GLB1: variants seen among roughly 807,000 people sequenced by gnomAD.
GLB1 encodes the protein galactosidase beta 1.
In GLB1, 56 loss-of-function variants were observed where a neutral mutation model predicts 74.0. The observed-to-expected ratio is 0.76, with a 90% CI of 0.61 to 0.94. The LOEUF (loss-of-function observed/expected upper bound fraction) is 0.94, where lower values mean the gene tolerates loss of function less well. Ranked by LOEUF, GLB1 falls within the 40% of genes least tolerant of loss-of-function variation. GLB1 has a pLI of 0.00. For missense variants in GLB1, 787 were observed against 845.5 expected, an observed-to-expected ratio of 0.93 and a Z score of 0.86; for synonymous variants, 323 against 323.6, an observed-to-expected ratio of 1.00 and a Z score of 0.02.
intron 2 of GLB1, among the ~76,000 whole-genome samples, chr3:33,069,200 G>A (rs1699805482): frequency 6.6e-6 from 1 of 152,052 alleles, no homozygotes; most frequent in Non-Finnish European, 1.5e-5. Context: ...CACCAGCCTG[G>A]AAAACATGGT....
downstream of GLB1, among the ~76,000 whole-genome samples, chr3:32,993,199 C>T (rs1339039693): frequency 6.6e-6 from 1 of 152,114 alleles, no homozygotes; most frequent in African/African-American, 2.4e-5. Context: ...AAAAACCCCA[C>T]CTCGGATTAG....
At chr3:32,964,654 G>C in the GLB1 span, among the ~76,000 whole-genome samples, 11,075 of 152,216 alleles carry the variant, frequency 0.073, 866 homozygotes, top group African/African-American at 0.2. Flanking sequence ...GTGTAAAGTT[G>C]AACATGTACC....
At position 33,031,611 on chromosome 3, in the gene GLB1, C is replaced by CAA. The variant is rs1255172812; in HGVS notation, c.1069-7288_1069-7287dup. Among the ~76,000 whole-genome samples, 46 of 22,058 alleles carry CAA rather than the reference C, an allele frequency of 2.1e-3. 5 individuals carry two copies. Among genetic ancestry groups the CAA allele is most frequent in the African/African-American group, 5.8e-3 (27 of 4,622 alleles). The allele number at this position is 22,058 out of a possible 152,430, so 14.5% of individuals were successfully genotyped here. A position where few individuals can be genotyped will look rare whatever the true frequency, so the allele number is the denominator to read the frequency against. On this transcript the variant is annotated intron_variant, in intron 10 of 15. Transcript: ENST00000307363. ...TGGGTGACAGAGCAAGGCTCTGTCT[C>CAA]AAAAAAAAAAAAAAAAAAAAAAAAA...
intron 1 of GLB1, among the ~76,000 whole-genome samples, chr3:33,079,181 T>C (rs1043242330): frequency 1.3e-5 from 2 of 151,762 alleles, no homozygotes; most frequent in South Asian, 2.1e-4. Flanking sequence ...TCTGGGAGAG[T>C]AGAGGTAGGT....
Position 33,016,680 on chromosome 3 carries a change from C to T in GLB1, c.1479+29G>A, listed in dbSNP as rs1697248596. On this transcript the variant is annotated intron_variant, in intron 14 of 15. Transcript: ENST00000307363. ...ACTTCTAAGTTGTCACCCCTTAAACCTTAGTCTTGACAGTGTGGTTTGTCC... is the reference window on the plus strand; with the variant it reads ...ACTTCTAAGTTGTCACCCCTTAAACTTTAGTCTTGACAGTGTGGTTTGTCC... The T allele has an allele frequency of 1.9e-6, 3 of 1,612,480 alleles. No homozygotes were observed. In the African/African-American group the frequency reaches 4.0e-5, roughly 22 times the overall value.
chr3:33,064,457 A>AT, intron 5 of GLB1, among the ~76,000 whole-genome samples: 2 of 139,848 alleles, frequency 1.4e-5, no homozygotes, highest in East Asian at 4.3e-4. Context: ...AAAAAACAAA[A>AT]AACCTTTACT....
the GLB1 span, among the ~76,000 whole-genome samples, chr3:32,965,740 G>A: frequency 6.6e-6 from 1 of 152,180 alleles, no homozygotes; most frequent in Admixed American, 6.5e-5. Flanking sequence ...AGGCCTAGGA[G>A]GGAAAAATGG....
chr3:32,988,921 G>C, the GLB1 span, among the ~76,000 whole-genome samples: 7 of 145,304 alleles, frequency 4.8e-5, no homozygotes, highest in African/African-American at 1.3e-4. Flanking sequence ...GAAGCCCTTG[G>C]CATGGTAAGG....
downstream of GLB1, among the ~76,000 whole-genome samples, chr3:32,991,865 T>C (rs1696228612): frequency 6.6e-6 from 1 of 152,226 alleles, no homozygotes. Flanking sequence ...TGCTGGGCTG[T>C]CCAAATTCCT....
the GLB1 span, among the ~76,000 whole-genome samples, chr3:32,963,440 C>A: frequency 2.6e-5 from 4 of 152,190 alleles, no homozygotes; most frequent in Non-Finnish European, 4.4e-5. Context: ...ATAAATTCAA[C>A]TATGTGAATT....
chr3:33,006,462 C>T (rs752374021), intron 15 of GLB1, among the ~76,000 whole-genome samples: 7 of 152,180 alleles, frequency 4.6e-5, no homozygotes, highest in Non-Finnish European at 8.8e-5. Flanking sequence ...CAGTGTCTTC[C>T]ACGAAACTAG....
At chr3:33,048,513 A>G (rs1024600681) in intron 9 of GLB1, among the ~76,000 whole-genome samples, 1 of 152,168 alleles carries the variant, frequency 6.6e-6, no homozygotes, top group Admixed American at 6.5e-5. Context: ...GTGTGGAGGA[A>G]GGAGACACAC....
intron 15 of GLB1, among the ~76,000 whole-genome samples, chr3:32,999,214 G>A (rs1696443021): frequency 6.6e-6 from 1 of 152,112 alleles, no homozygotes; most frequent in Non-Finnish European, 1.5e-5. Context: ...TTTACCCTGG[G>A]ATATGTTATC....
At chr3:33,087,043 T>A (rs1700531049) in intron 1 of GLB1, among the ~76,000 whole-genome samples, 1 of 147,328 alleles carries the variant, frequency 6.8e-6, no homozygotes, top group South Asian at 2.2e-4. Flanking sequence ...TTAACTAGAT[T>A]TAAAAAAAAG....
At chr3:33,014,389 G>C in intron 14 of GLB1, 79 bp from the exon 15 acceptor site, 1 of 1,573,612 alleles carries the variant, frequency 6.4e-7, no homozygotes, top group Non-Finnish European at 8.6e-7. Flanking sequence ...CCAGGGAAAT[G>C]GGAAAAGCAA....
At chr3:33,007,797 T>A (rs1158254714) in intron 15 of GLB1, among the ~76,000 whole-genome samples, 1 of 152,198 alleles carries the variant, frequency 6.6e-6, no homozygotes, top group African/African-American at 2.4e-5. Flanking sequence ...AGAGCATTCA[T>A]CAGACTGACC....
chr3:33,036,878 G>A (rs1483657396), intron 10 of GLB1, among the ~76,000 whole-genome samples: 3 of 152,144 alleles, frequency 2.0e-5, no homozygotes, highest in Non-Finnish European at 4.4e-5. Context: ...GGTGACTGGG[G>A]AGCTATTGCT....
chr3:33,060,081 C>T (rs1699383064), intron 5 of GLB1, among the ~76,000 whole-genome samples: 1 of 152,152 alleles, frequency 6.6e-6, no homozygotes, highest in Non-Finnish European at 1.5e-5. Context: ...ATTTCATCCA[C>T]GTGCAGAGTT....
intron 11 of GLB1, 89 bp from the exon 12 acceptor site, chr3:33,021,744 G>C (rs1697494276): frequency 6.8e-7 from 1 of 1,474,422 alleles, no homozygotes; most frequent in African/African-American, 1.4e-5. Flanking sequence ...AAAGACATCA[G>C]TGGGTTTGAC....
Sources: gnomAD v4.1 joint callset for allele counts (sites outside exome capture counted in the v4.1 genomes callset) on GRCh38, gnomAD v4.1.1 for gene constraint, MANE v1.5 for transcripts, NCBI Gene and HGNC (gene_info 2026-07-23, HGNC 2026-07-21) for gene names.